The following LMO7 variants were observed in gnomAD, a reference collection of about 807,000 sequenced individuals.
The protein encoded by LMO7 is LIM domain 7, also known as LIM domain only protein 7.
Under a neutral mutation model 206.5 loss-of-function variants are expected in LMO7, and 120 were observed. The observed-to-expected ratio is 0.58, with a 90% CI of 0.50 to 0.68. The LOEUF (loss-of-function observed/expected upper bound fraction) is 0.68. Ranked by LOEUF, LMO7 falls within the 30% of genes least tolerant of loss-of-function variation. The probability of loss-of-function intolerance (pLI) is 0.00; values close to 1 mark genes in which losing one functional copy is unlikely to be tolerated. For synonymous variants in LMO7, 706 were observed against 681.5 expected (o/e 1.04, Z -0.56); for missense variants, 1,959 against 1,957.9 (o/e 1.00, Z -0.01).
intron 27 of LMO7, 132 bp from the exon 28 acceptor site, chr13:75,852,960 G>A (rs535511020): frequency 7.7e-5 from 55 of 710,194 alleles, no homozygotes; most frequent in African/African-American, 5.2e-4. Flanking sequence ...ATCTGTATAT[G>A]TAACTAGAAT....
intron 2 of LMO7, among the ~76,000 whole-genome samples, chr13:75,717,263 T>A (rs1389676074): frequency 6.7e-6 from 1 of 150,178 alleles, no homozygotes; most frequent in Non-Finnish European, 1.5e-5. Flanking sequence ...CTCGGGAGGC[T>A]GAGGCAGGAG....
At chr13:75,800,162 T>TG (rs956350105) in intron 6 of LMO7, among the ~76,000 whole-genome samples, 3 of 152,202 alleles carry the variant, frequency 2.0e-5, no homozygotes, top group Admixed American at 2.0e-4. Flanking sequence ...TTTATTTTTC[T>TG]GGGGGGAGAG....
chr13:75,774,003 A>C (rs960772762), intron 4 of LMO7, among the ~76,000 whole-genome samples: 4 of 152,104 alleles, frequency 2.6e-5, no homozygotes, highest in African/African-American at 9.7e-5. Flanking sequence ...TCCAAAACCA[A>C]GCCATACTTT....
chr13:75,709,319 G>A (rs1232488138), intron 1 of LMO7, among the ~76,000 whole-genome samples: 2 of 152,166 alleles, frequency 1.3e-5, no homozygotes, highest in Non-Finnish European at 1.5e-5. Context: ...ACCCAGTAAT[G>A]GGATTGCTGG....
At chr13:75,688,709 G>A (rs984032579) in intron 1 of LMO7, 3 of 152,230 alleles carry the variant, frequency 2.0e-5, no homozygotes, top group African/African-American at 7.2e-5. Flanking sequence ...TTGACACCAA[G>A]CTACTTGCTA....
In LMO7 at chr13:75,835,322, G is replaced by A. The variant is rs377551293; in HGVS notation, c.3316G>A (p.Glu1106Lys). 8.7e-6 allele frequency: 14 copies of A among 1,602,430 alleles called. No homozygotes were observed. The highest frequency in any genetic ancestry group is 5.4e-5 in the African/African-American group (4 of 74,354). Residue 1106 changes from glutamate to lysine, a missense_variant, in exon 18 of 31, where the codon GAA becomes AAA. Glu to Lys is a moderately conservative substitution (Grantham distance 56). Coordinates refer to ENST00000377534, the MANE Select transcript of LMO7 (RefSeq NM_001306080.2). ...SNLSVTTDFS[E>K]SLQSSNIESK... The stretch of plus-strand genomic sequence containing the variant: ...TCTATCTGTAACAACTGATTTCTCC[G>A]AAAGCCTTCAGAGTTCTGTGAGTAT...
chr13:75,749,832 C>CA (rs1555308170), intron 3 of LMO7, among the ~76,000 whole-genome samples: 1 of 144,754 alleles, frequency 6.9e-6, no homozygotes, highest in African/African-American at 2.5e-5. Flanking sequence ...TCACCCCCAC[C>CA]TTTTTTTTTT....
At chr13:75,691,704 C>A (rs906281766) in intron 1 of LMO7, among the ~76,000 whole-genome samples, 5 of 152,178 alleles carry the variant, frequency 3.3e-5, no homozygotes, top group Non-Finnish European at 7.3e-5. Context: ...AAAGGGGCTA[C>A]TTCCAGACAA....
intron 4 of LMO7, among the ~76,000 whole-genome samples, chr13:75,789,771 AT>A (rs1199338787): frequency 6.6e-6 from 1 of 152,210 alleles, no homozygotes; most frequent in African/African-American, 2.4e-5. Flanking sequence ...AACAGAAGGC[AT>A]TTAGAAATAT....
intron 3 of LMO7, among the ~76,000 whole-genome samples, chr13:75,727,362 A>T (rs2044577615): frequency 6.6e-6 from 1 of 151,962 alleles, no homozygotes; most frequent in African/African-American, 2.4e-5. Context: ...GATATAGATG[A>T]CATACTTGTG....
At chr13:75,742,497 A>G (rs1204985470) in intron 3 of LMO7, among the ~76,000 whole-genome samples, 1 of 152,236 alleles carries the variant, frequency 6.6e-6, no homozygotes, top group Non-Finnish European at 1.5e-5. Context: ...TGGTAGCCAA[A>G]ACAGCATGTT....
At chr13:75,686,519 A>G (rs899524925) in intron 1 of LMO7, among the ~76,000 whole-genome samples, 1 of 136,348 alleles carries the variant, frequency 7.3e-6, no homozygotes, top group Admixed American at 7.6e-5. Context: ...GCCTGGCCCT[A>G]TCTTACCTTT....
At position 75,636,461 on chromosome 13, in the gene LMO7, G is replaced by A. The variant is rs546750242; in HGVS notation, c.-197G>A. ...AGTTTAGAGAAAGCCAGGTCTTCAC[G>A]TTCGTGTAGGTTCGAGACCTTAACG... is the stretch of plus-strand genomic sequence containing the variant. On this transcript the variant is annotated 5_prime_UTR_variant, in exon 1 of 31. Coordinates refer to ENST00000377534, the MANE Select transcript of LMO7 (RefSeq NM_001306080.2). 7.0e-7 allele frequency: 1 copy of A among 1,422,322 alleles called. No individual in the cohort carries two copies. Among genetic ancestry groups the A allele is most frequent in the Non-Finnish European group, 9.1e-7 (1 of 1,094,700 alleles). 88.1% of individuals were successfully genotyped at this position (1,422,322 alleles called of 1,614,324 possible).
intron 17 of LMO7, 41 bp downstream of exon 17, chr13:75,834,428 G>C (rs750225252): frequency 6.8e-7 from 1 of 1,462,178 alleles, no homozygotes; most frequent in Non-Finnish European, 9.2e-7. Context: ...TTGAAACTGG[G>C]ACCTGGCCGT....
chr13:75,681,706 G>GTGTATATATATA lies in LMO7; in HGVS notation c.70-31475_70-31474insGTATATATATAT, dbSNP rs1259746833. Among the ~76,000 whole-genome samples the GTGTATATATATA allele has an allele frequency of 3.0e-3, 284 of 93,206 alleles. 26 individuals are homozygous for GTGTATATATATA. Among genetic ancestry groups the GTGTATATATATA allele is most frequent in the Middle Eastern group, 6.9e-3 (1 of 144 alleles). The allele number at this position is 93,206 out of a possible 152,430, so 61.1% of individuals were successfully genotyped here. ...ATGTCATGTATGTATGTATGTATGTGTATATATATATGTATATATATATAT... is the reference window on the plus strand; with the variant it reads ...ATGTCATGTATGTATGTATGTATGTGTGTATATATATATATATATATATGTATATATATATAT... On this transcript the variant is annotated intron_variant, in intron 1 of 30. Transcript: ENST00000377534.
chr13:75,643,845 C>T (rs1202978900), intron 1 of LMO7, among the ~76,000 whole-genome samples: 1 of 152,156 alleles, frequency 6.6e-6, no homozygotes, highest in African/African-American at 2.4e-5. Context: ...TGAAATACCC[C>T]AGTAGTATGC....
At chr13:75,650,618 T>C (rs2037462682) in intron 1 of LMO7, among the ~76,000 whole-genome samples, 1 of 152,230 alleles carries the variant, frequency 6.6e-6, no homozygotes, top group Non-Finnish European at 1.5e-5. Context: ...CATGGTCATA[T>C]GTTCTTGGAC....
intron 1 of LMO7, among the ~76,000 whole-genome samples, chr13:75,691,236 C>A (rs1221260290): frequency 6.6e-6 from 1 of 152,110 alleles, no homozygotes; most frequent in Non-Finnish European, 1.5e-5. Flanking sequence ...ATAATGAAAC[C>A]ATCTCACTGT....
At chr13:75,690,331 CTG>C (rs2041361135) in intron 1 of LMO7, among the ~76,000 whole-genome samples, 1 of 152,104 alleles carries the variant, frequency 6.6e-6, no homozygotes, top group Admixed American at 6.5e-5. Context: ...GGGGTCTTCT[CTG>C]CTTTGATCTG....
Sources: gnomAD v4.1 joint callset for allele counts (sites outside exome capture counted in the v4.1 genomes callset) on GRCh38, gnomAD v4.1.1 for gene constraint, MANE v1.5 for transcripts, NCBI Gene and HGNC (gene_info 2026-07-23, HGNC 2026-07-21) for gene names.